PARD3B: variants seen among roughly 807,000 people sequenced by gnomAD.
The protein encoded by PARD3B is par-3 family cell polarity regulator beta.
A neutral mutation model predicts 130.2 loss-of-function variants in PARD3B; 103 were observed. The ratio of observed to expected loss-of-function variants is 0.79; its 90% CI spans 0.67 to 0.93. PARD3B has a LOEUF of 0.93. Ranked by LOEUF, PARD3B falls within the 40% of genes least tolerant of loss-of-function variation. PARD3B has a pLI of 0.00. For synonymous variants in PARD3B, 583 were observed against 553.2 expected, an observed-to-expected ratio of 1.05 and a Z score of -0.76; for missense variants, 1,609 against 1,499.2, an observed-to-expected ratio of 1.07 and a Z score of -1.21.
In PARD3B at chr2:205,263,357, C is replaced by T. The variant is rs1481453123; in HGVS notation, c.2185+17535C>T. ...ACATAAGAGGAGGTCCAAGCAAAAG[C>T]AGTGGATAACAGTGCAAACAGGAAC... On this transcript the variant is annotated intron_variant, in intron 16 of 22. Transcript: ENST00000406610. This position sits in a 1 kb window ranked among gnomAD's most constrained non-coding sequence, Gnocchi z 4.0. 2.1e-5 allele frequency among the ~76,000 whole-genome samples: 3 copies of T among 141,558 alleles called. No individual in the cohort carries two copies. Among genetic ancestry groups the T allele is most frequent in the Non-Finnish European group, 3.2e-5 (2 of 62,854 alleles). The allele number at this position is 141,558 out of a possible 152,430, so 92.9% of individuals were successfully genotyped here.
intron 21 of PARD3B, among the ~76,000 whole-genome samples, chr2:205,527,450 T>C (rs2051388348): frequency 6.6e-6 from 1 of 152,162 alleles, no homozygotes; most frequent in Non-Finnish European, 1.5e-5. Flanking sequence ...AAGTGGACTA[T>C]GGTTCGAGGT....
intron 19 of PARD3B, among the ~76,000 whole-genome samples, chr2:205,427,292 A>G (rs921977594): frequency 2.0e-5 from 3 of 152,242 alleles, no homozygotes; most frequent in African/African-American, 7.2e-5. Context: ...TGGTAACAAT[A>G]TGGACTGACG....
intron 2 of PARD3B, among the ~76,000 whole-genome samples, chr2:204,856,308 A>G (rs2044935858): frequency 6.6e-6 from 1 of 152,168 alleles, no homozygotes; most frequent in African/African-American, 2.4e-5. Context: ...GATGTTGAGC[A>G]TTATTTTCAT....
At chr2:205,451,619 G>T (rs1379683441) in intron 20 of PARD3B, among the ~76,000 whole-genome samples, 1 of 151,364 alleles carries the variant, frequency 6.6e-6, no homozygotes, top group African/African-American at 2.4e-5. Flanking sequence ...TATAGCTAAG[G>T]CAGAAATATT....
chr2:205,581,039 A>G (rs1037772804), intron 22 of PARD3B, among the ~76,000 whole-genome samples: 1 of 152,158 alleles, frequency 6.6e-6, no homozygotes, highest in African/African-American at 2.4e-5. Flanking sequence ...AAGTATTTGA[A>G]TAAGATTAAG....
chr2:204,975,913 C>T (rs1030924442), intron 3 of PARD3B, among the ~76,000 whole-genome samples: 16 of 152,148 alleles, frequency 1.1e-4, no homozygotes, highest in Non-Finnish European at 1.5e-5. Context: ...TCTTTTCAGA[C>T]AATTCATTAC....
chr2:205,006,055 A>G (rs1219285720), intron 3 of PARD3B, among the ~76,000 whole-genome samples: 8 of 152,214 alleles, frequency 5.3e-5, no homozygotes, highest in Non-Finnish European at 1.2e-4. Flanking sequence ...AAGTGAGAAC[A>G]TATGATATTT....
intron 21 of PARD3B, among the ~76,000 whole-genome samples, chr2:205,504,053 A>G (rs534475996): frequency 2.6e-5 from 4 of 152,242 alleles, no homozygotes; most frequent in South Asian, 2.1e-4. Context: ...GAAGTTGCCT[A>G]TCAGCTTAAG....
At chr2:205,505,226 A>G (rs998877134) in intron 21 of PARD3B, among the ~76,000 whole-genome samples, 2 of 143,396 alleles carry the variant, frequency 1.4e-5, no homozygotes, top group African/African-American at 2.6e-5. Flanking sequence ...AACATGACAC[A>G]CTGGGGCCTG....
chr2:204,761,387 T>TA (rs2040890897), intron 2 of PARD3B, among the ~76,000 whole-genome samples: 2 of 152,284 alleles, frequency 1.3e-5, no homozygotes, highest in Admixed American at 1.3e-4. Flanking sequence ...GTCACCAAGA[T>TA]AGTCTCCTAA....
intron 1 of PARD3B, among the ~76,000 whole-genome samples, chr2:204,608,856 A>G (rs886833236): frequency 6.6e-6 from 1 of 152,206 alleles, no homozygotes; most frequent in Admixed American, 6.5e-5. Flanking sequence ...GATACAATTT[A>G]CTGTGTTGTG....
rs1398228525 is a variant in PARD3B, at chr2:205,463,211, A to G, written c.3044+22539A>G. 6.6e-6 allele frequency among the ~76,000 whole-genome samples: 1 copy of G among 152,182 alleles called. No homozygotes were observed. The highest frequency in any genetic ancestry group is 1.5e-5 in the Non-Finnish European group (1 of 68,034). On this transcript the variant is annotated intron_variant, in intron 20 of 22. Transcript: ENST00000406610. This position sits in a 1 kb window ranked among gnomAD's most constrained non-coding sequence, Gnocchi z 4.8. ...AGAACTAAGGAATATCTTGGCAATG[A>G]CATTGCTTAGTCTTCCTTACACATA...
chr2:205,326,127 T>A (rs1043710534), intron 18 of PARD3B, among the ~76,000 whole-genome samples: 2 of 152,232 alleles, frequency 1.3e-5, no homozygotes, highest in African/African-American at 4.8e-5. Flanking sequence ...TAGTTTCTGC[T>A]GCTGTAACAA....
rs1403959184 is a variant in PARD3B at position 205,325,250 on chromosome 2, A to G, written c.2630+23549A>G. 6.6e-6 allele frequency among the ~76,000 whole-genome samples: 1 copy of G among 152,060 alleles called. No homozygotes were observed. The highest frequency in any genetic ancestry group is 1.5e-5 in the Non-Finnish European group (1 of 68,034). The stretch of plus-strand genomic sequence containing the variant: ...GCTTAGATTTCTGAGGTGTTATACA[A>G]TGTTCAACCTTTATACTTTTATGCT... On this transcript the variant is annotated intron_variant, in intron 18 of 22. Transcript: ENST00000406610. This position sits in a 1 kb window ranked among gnomAD's most constrained non-coding sequence, Gnocchi z 4.1.
At chr2:204,759,911 C>T (rs1193700545) in intron 2 of PARD3B, among the ~76,000 whole-genome samples, 2 of 152,020 alleles carry the variant, frequency 1.3e-5, no homozygotes, top group South Asian at 2.1e-4. Flanking sequence ...CTCTTATAGA[C>T]ATTAGCAGAG....
At chr2:205,182,083 G>C (rs1559517310) in intron 13 of PARD3B, among the ~76,000 whole-genome samples, 1 of 152,226 alleles carries the variant, frequency 6.6e-6, no homozygotes, top group African/African-American at 2.4e-5. Context: ...ACGAGGTCAG[G>C]AGATCAAGAT....
At chr2:205,272,239 G>T (rs1172566255) in intron 16 of PARD3B, among the ~76,000 whole-genome samples, 1 of 150,902 alleles carries the variant, frequency 6.6e-6, no homozygotes, top group African/African-American at 2.4e-5. Flanking sequence ...ATAAAATTTT[G>T]CTTAATTTGA....
intron 1 of PARD3B, among the ~76,000 whole-genome samples, chr2:204,574,030 C>CT (rs376313559): frequency 5.7e-4 from 87 of 152,336 alleles, no homozygotes; most frequent in African/African-American, 2.1e-3. Context: ...CAGTCACTCA[C>CT]TGTCAGAGCA....
At chr2:205,549,410 CTAAA>C (rs1157072322) in intron 21 of PARD3B, among the ~76,000 whole-genome samples, 1 of 152,076 alleles carries the variant, frequency 6.6e-6, no homozygotes, top group East Asian at 1.9e-4. Flanking sequence ...AGGTGAATGA[CTAAA>C]TAAACTGTGC....
Sources: gnomAD v4.1 joint callset for allele counts (sites outside exome capture counted in the v4.1 genomes callset) on GRCh38, gnomAD v4.1.1 for gene constraint, Gnocchi (gnomAD v3.1) non-coding constraint, MANE v1.5 for transcripts, NCBI Gene and HGNC (gene_info 2026-07-23, HGNC 2026-07-21) for gene names.